Variants in FRMD3 observed in about 807,000 individuals in gnomAD.
FRMD3 encodes the protein FERM domain-containing protein 3.
Under a neutral mutation model 70.2 loss-of-function variants are expected in FRMD3, and 33 were observed. The observed-to-expected ratio is 0.47, with a 90% CI of 0.36 to 0.63. The LOEUF (loss-of-function observed/expected upper bound fraction) is 0.63. FRMD3 is among the 20% of genes least tolerant of loss of function. The pLI, the probability that FRMD3 is intolerant of heterozygous loss-of-function variation, is 0.00. For missense variants in FRMD3, 632 were observed against 711.4 expected (o/e 0.89, Z 1.27); for synonymous variants, 279 against 255.9 (o/e 1.09, Z -0.86).
chr9:83,521,772 T>C (rs1829576902), intron 1 of FRMD3, among the ~76,000 whole-genome samples: 1 of 152,236 alleles, frequency 6.6e-6, no homozygotes. Context: ...CTTTCTTGAT[T>C]TAGAAAAGTA....
At chr9:83,465,774 G>A (rs1316474569) in intron 1 of FRMD3, among the ~76,000 whole-genome samples, 1 of 152,054 alleles carries the variant, frequency 6.6e-6, no homozygotes, top group East Asian at 1.9e-4. Context: ...GTAGATAATA[G>A]GGAAGAAAGT....
chr9:83,415,503 C>T (rs955550255), intron 1 of FRMD3, among the ~76,000 whole-genome samples: 2 of 141,740 alleles, frequency 1.4e-5, no homozygotes, highest in Non-Finnish European at 3.0e-5. Flanking sequence ...AGTGCAGTGG[C>T]GCGATCTCGG....
chr9:83,572,698 T>C, the FRMD3 span, among the ~76,000 whole-genome samples: 12 of 152,178 alleles, frequency 7.9e-5, no homozygotes, highest in African/African-American at 2.9e-4. Context: ...GTGTTTTTCT[T>C]CCAGCCTGGT....
the FRMD3 span, among the ~76,000 whole-genome samples, chr9:83,546,716 A>T: frequency 6.6e-6 from 1 of 151,994 alleles, no homozygotes; most frequent in Non-Finnish European, 1.5e-5. Context: ...AACATGGTGG[A>T]ACCCCGTCTC....
chr9:83,432,240 G>C (rs1269777197), intron 1 of FRMD3, among the ~76,000 whole-genome samples: 1 of 152,212 alleles, frequency 6.6e-6, no homozygotes, highest in Non-Finnish European at 1.5e-5. Flanking sequence ...GGATGGGCTA[G>C]AGTGATATTT....
chr9:83,475,290 A>G (rs1828369070), intron 1 of FRMD3, among the ~76,000 whole-genome samples: 1 of 152,088 alleles, frequency 6.6e-6, no homozygotes, highest in Non-Finnish European at 1.5e-5. Context: ...ATACATATAT[A>G]TTCATATATA....
chr9:83,271,281 GATA>G (rs1383482066), intron 13 of FRMD3, among the ~76,000 whole-genome samples: 2 of 149,704 alleles, frequency 1.3e-5, no homozygotes, highest in Non-Finnish European at 1.5e-5. Context: ...CAAGTGGAAA[GATA>G]ATAAATTATT....
chr9:83,500,540 A>AC (rs1829045068), intron 1 of FRMD3, among the ~76,000 whole-genome samples: 2 of 148,414 alleles, frequency 1.3e-5, no homozygotes, highest in South Asian at 2.2e-4. Context: ...ACACACACAC[A>AC]ATGTCAATAT....
intron 1 of FRMD3, among the ~76,000 whole-genome samples, chr9:83,421,675 A>T (rs1198949132): frequency 6.6e-6 from 1 of 152,168 alleles, no homozygotes; most frequent in East Asian, 1.9e-4. Context: ...TCAGGTAAAC[A>T]TTCTTGCCCT....
chr9:83,514,801 C>A (rs1399305646), intron 1 of FRMD3, among the ~76,000 whole-genome samples: 1 of 152,224 alleles, frequency 6.6e-6, no homozygotes, highest in Non-Finnish European at 1.5e-5. Context: ...GCAGCCACCA[C>A]TGGTGATACC....
In FRMD3 at chr9:83,532,382, C is replaced by T. The variant is rs369044020; in HGVS notation, c.147+5703G>A. Among the ~76,000 whole-genome samples the T allele has an allele frequency of 3.2e-4, 48 of 152,288 alleles. No homozygotes were observed. In the East Asian group the frequency reaches 8.5e-3, roughly 27 times the overall value. ...AGATGCCTTTTAGCTGCCCAGAACC[C>T]ACCCATTCCATAAGGGCAGAAATGA... is the stretch of plus-strand genomic sequence containing the variant. On this transcript the variant is annotated intron_variant, in intron 1 of 13. Coordinates refer to ENST00000304195, the MANE Select transcript of FRMD3 (RefSeq NM_174938.6).
the FRMD3 span, among the ~76,000 whole-genome samples, chr9:83,544,167 A>G: frequency 6.6e-6 from 1 of 152,042 alleles, no homozygotes; most frequent in Non-Finnish European, 1.5e-5. Context: ...AGAGAGCCAC[A>G]GGAAAGGCAT....
At chr9:83,253,644 G>A (rs1832536005) in intron 13 of FRMD3, among the ~76,000 whole-genome samples, 1 of 152,122 alleles carries the variant, frequency 6.6e-6, no homozygotes, top group South Asian at 2.1e-4. Flanking sequence ...TGGAGAAATA[G>A]GAACACTTTG....
At chr9:83,312,101 A>T (rs1835384310) in intron 7 of FRMD3, 126 bp from the exon 8 acceptor site, 1 of 701,126 alleles carries the variant, frequency 1.4e-6, no homozygotes, top group South Asian at 2.0e-5. Flanking sequence ...TGATTGTAGC[A>T]ATAAACTAAG....
At chr9:83,492,769 T>G (rs1029010927) in intron 1 of FRMD3, among the ~76,000 whole-genome samples, 1 of 152,178 alleles carries the variant, frequency 6.6e-6, no homozygotes, top group East Asian at 1.9e-4. Flanking sequence ...ATGGGTCTCC[T>G]GGCCTCACCA....
At chr9:83,344,016 T>G (rs562567367) in intron 4 of FRMD3, among the ~76,000 whole-genome samples, 1 of 152,236 alleles carries the variant, frequency 6.6e-6, no homozygotes, top group Non-Finnish European at 1.5e-5. Context: ...AGAAAAGCAC[T>G]TTGTCCAGTT....
intron 1 of FRMD3, among the ~76,000 whole-genome samples, chr9:83,421,456 T>C (rs895231389): frequency 6.6e-6 from 1 of 150,482 alleles, no homozygotes; most frequent in African/African-American, 2.5e-5. Context: ...TATTTTTATA[T>C]GCAGAAACTG....
At chr9:83,394,098 A>G (rs1564056072) in intron 1 of FRMD3, among the ~76,000 whole-genome samples, 1 of 152,028 alleles carries the variant, frequency 6.6e-6, no homozygotes, top group Non-Finnish European at 1.5e-5. Flanking sequence ...TCTTTAGTCC[A>G]CAAGCCCCAA....
At chr9:83,527,922 G>A (rs1829718217) in intron 1 of FRMD3, among the ~76,000 whole-genome samples, 1 of 152,164 alleles carries the variant, frequency 6.6e-6, no homozygotes, top group Admixed American at 6.5e-5. Flanking sequence ...AACTAAAAGA[G>A]GGCCATGTTA....
Sources: gnomAD v4.1 joint callset for allele counts (sites outside exome capture counted in the v4.1 genomes callset) on GRCh38, gnomAD v4.1.1 for gene constraint, MANE v1.5 for transcripts, NCBI Gene and HGNC (gene_info 2026-07-23, HGNC 2026-07-21) for gene names.